Variants in TMPRSS6 observed in about 807,000 individuals in gnomAD.
TMPRSS6 encodes transmembrane protease serine 6.
TMPRSS6 carries 67 observed loss-of-function variants against 101.5 expected under a neutral mutation model. The observed-to-expected ratio is 0.66, with a 90% confidence interval of 0.54 to 0.81. The LOEUF (loss-of-function observed/expected upper bound fraction) is 0.81, where lower values mean the gene tolerates loss of function less well. Ranked by LOEUF, TMPRSS6 falls within the 30% of genes least tolerant of loss-of-function variation. The pLI is 0.00. For synonymous variants in TMPRSS6, 453 were observed against 464.9 expected (o/e 0.97, Z 0.33); for missense variants, 1,034 against 1,088.7 (o/e 0.95, Z 0.71).
intron 10 of TMPRSS6, among the ~76,000 whole-genome samples, chr22:37,078,755 G>A (rs1927910063): frequency 7.1e-6 from 1 of 140,318 alleles, no homozygotes; most frequent in African/African-American, 2.9e-5. Flanking sequence ...AGGAAGAAAG[G>A]AGAAAGAGAA....
At chr22:37,086,459 G>A (rs929259538) in intron 7 of TMPRSS6, 40 bp from the exon 8 acceptor site, 6 of 1,555,424 alleles carry the variant, frequency 3.9e-6, no homozygotes, top group South Asian at 1.2e-5. Flanking sequence ...GCTGGGGTCT[G>A]GGAGGGGAGT....
At chr22:37,098,617 C>A in intron 2 of TMPRSS6, 68 bp from the exon 3 acceptor site, 1 of 1,609,750 alleles carries the variant, frequency 6.2e-7, no homozygotes, top group Non-Finnish European at 8.5e-7. Flanking sequence ...CTCTTCCATG[C>A]CTTCTCCTGC....
chr22:37,066,179 C>G lies in TMPRSS6; in HGVS notation c.2310G>C (p.Gly770=), dbSNP rs778842279. The change falls in exon 18 of 18, where the codon GGG becomes GGC. Residue 770 remains glycine (G), a synonymous_variant. Transcript: ENST00000676104. ...CACAGCCCAGGCCCCAGCTGACCAG[C>G]CCCGCCAGGAACCAGCGGCCACTGA... ...KALSGRWFLA[G]LVSWGLGCGR... is the part of the protein sequence containing the mutation. 4.3e-6 allele frequency: 7 copies of G among 1,613,168 alleles called. No individual in the cohort carries two copies. The South Asian group carries it at 7.7e-5, about 18-fold the overall frequency.
chr22:37,067,594 C>T (rs1304106981), intron 16 of TMPRSS6, among the ~76,000 whole-genome samples: 1 of 152,160 alleles, frequency 6.6e-6, no homozygotes, highest in Non-Finnish European at 1.5e-5. Flanking sequence ...TGCTCTGTTA[C>T]AGCACCTGCA....
intron 12 of TMPRSS6, 28 bp downstream of exon 12, chr22:37,074,582 A>C: frequency 1.2e-6 from 2 of 1,603,378 alleles, no homozygotes; most frequent in Non-Finnish European, 1.7e-6. Flanking sequence ...GGGCAGGGAG[A>C]GGAGGGATGC....
In TMPRSS6 at chr22:37,076,597, C is replaced by T. The variant is rs142788953; in HGVS notation, c.1197-1317G>A. Among the ~76,000 whole-genome samples the T allele has an allele frequency of 4.3e-3, 656 of 152,322 alleles. 7 individuals carry two copies. Among genetic ancestry groups the T allele is most frequent in the African/African-American group, 0.015 (617 of 41,568 alleles). On this transcript the variant is annotated intron_variant, in intron 10 of 17. Coordinates refer to ENST00000676104, the MANE Select transcript of TMPRSS6 (RefSeq NM_001374504.1). ...CTCCTGCAGAGAGTCCGGTGCACCT[C>T]ACCCCACAGAGCAAGTGGGCAGCGG...
chr22:37,103,487 T>C lies in TMPRSS6; in HGVS notation c.-1-69A>G. The C allele has an allele frequency of 1.9e-6, 3 of 1,614,144 alleles. No homozygotes were observed. Among genetic ancestry groups the C allele is most frequent in the Non-Finnish European group, 2.5e-6 (3 of 1,180,028 alleles). On this transcript the variant is annotated intron_variant, in intron 1 of 17. Coordinates refer to ENST00000676104, the MANE Select transcript of TMPRSS6 (RefSeq NM_001374504.1). This position sits in a 1 kb window ranked among gnomAD's most constrained non-coding sequence, Gnocchi z 4.4. Reference sequence around the variant, plus strand: ...CAAGGGAGCCTCTGCTGAGCACCGGTGGGGCACGGAAGCAGGACTTCCCTG... The same window carrying C: ...CAAGGGAGCCTCTGCTGAGCACCGGCGGGGCACGGAAGCAGGACTTCCCTG...
Position 37,087,436 on chromosome 22 carries a change from C to A in TMPRSS6, c.837-1017G>T, listed in dbSNP as rs1032770628. 2.0e-5 allele frequency among the ~76,000 whole-genome samples: 3 copies of A among 152,222 alleles called. No homozygotes were observed. In the East Asian group the frequency reaches 5.8e-4, roughly 29 times the overall value. On this transcript the variant is annotated intron_variant, in intron 7 of 17. Coordinates refer to ENST00000676104, the MANE Select transcript of TMPRSS6 (RefSeq NM_001374504.1). ...ACAGCCTCAAAATCGCTACACATGG[C>A]ACCCAAGCAGCCTGCAGCCAGCTGG...
At position 37,089,596 on chromosome 22, in the gene TMPRSS6, T is replaced by A. The variant is rs1929056900; in HGVS notation, c.818A>T (p.Glu273Val). 1 of 1,547,098 alleles carries A rather than the reference T, an allele frequency of 6.5e-7. No homozygotes were observed. The highest frequency in any genetic ancestry group is 8.8e-7 in the Non-Finnish European group (1 of 1,138,778). The part of the protein sequence containing the change: ...LAMYDVAGPL[E>V]KRLITSVYGC... The stretch of plus-strand genomic sequence containing the variant: ...GACTCACGAGGTGATGAGCCTCTTC[T>A]CCAGGGGCCCGGCCACGTCATACAT... Residue 273 changes from glutamate to valine, a missense_variant, in exon 7 of 18, where the codon GAG becomes GTG. By Grantham distance (121) the Glu-to-Val change is moderately radical. Coordinates refer to ENST00000676104, the MANE Select transcript of TMPRSS6 (RefSeq NM_001374504.1).
intron 13 of TMPRSS6, among the ~76,000 whole-genome samples, 175 bp from the exon 14 acceptor site, chr22:37,071,207 C>T (rs1002690318): frequency 2.6e-5 from 4 of 152,124 alleles, no homozygotes; most frequent in South Asian, 2.1e-4. Flanking sequence ...CCCCGCCCCC[C>T]ACAGCCCCTC....
chr22:37,078,973 A>AAAAGAAAGAAAGAAAGAAAGAAAGAG (rs1928008497), intron 10 of TMPRSS6, among the ~76,000 whole-genome samples: 1 of 106,510 alleles, frequency 9.4e-6, no homozygotes, highest in Non-Finnish European at 1.9e-5. Flanking sequence ...GAAAGAAAGA[A>AAAAGAAAGAAAGAAAGAAAGAAAGAG]AAAGAAAGAA....
Position 37,101,070 on chromosome 22 carries a change from T to G in TMPRSS6, c.202+2146A>C, listed in dbSNP as rs1301372512. On this transcript the variant is annotated intron_variant, in intron 2 of 17. Coordinates refer to ENST00000676104, the MANE Select transcript of TMPRSS6 (RefSeq NM_001374504.1). This position sits in a 1 kb window ranked among gnomAD's most constrained non-coding sequence, Gnocchi z 4.1. ...TTGGAAAGGGCACAGAGAGACTGGGTGTGTGGACTGACAGCTCTTTCAAGG... is the reference window on the plus strand; with the variant it reads ...TTGGAAAGGGCACAGAGAGACTGGGGGTGTGGACTGACAGCTCTTTCAAGG... 6.6e-6 allele frequency among the ~76,000 whole-genome samples: 1 copy of G among 151,526 alleles called. No homozygotes were observed. Among genetic ancestry groups the G allele is most frequent in the Non-Finnish European group, 1.5e-5 (1 of 67,868 alleles).
chr22:37,104,629 C>A (rs368372061), intron 1 of TMPRSS6, among the ~76,000 whole-genome samples: 2 of 152,194 alleles, frequency 1.3e-5, no homozygotes, highest in East Asian at 1.9e-4. Context: ...CGAAGTTCAT[C>A]TCCTCTTACT....
intron 7 of TMPRSS6, among the ~76,000 whole-genome samples, chr22:37,088,290 A>G (rs1442839706): frequency 6.6e-6 from 1 of 152,148 alleles, no homozygotes; most frequent in Non-Finnish European, 1.5e-5. Flanking sequence ...ACAAGGAGAG[A>G]GCAGCTTGGA....
intron 2 of TMPRSS6, among the ~76,000 whole-genome samples, chr22:37,099,908 C>G (rs1930149348): frequency 6.6e-6 from 1 of 152,110 alleles, no homozygotes; most frequent in African/African-American, 2.4e-5. Context: ...AGGACTCGGG[C>G]TTTCACCCTG....
At chr22:37,082,693 C>T (rs1176882229) in intron 10 of TMPRSS6, 6 of 327,268 alleles carry the variant, frequency 1.8e-5, no homozygotes, top group South Asian at 7.4e-5. Flanking sequence ...CAGCATGTCA[C>T]CCCAGCAGCA....
intron 10 of TMPRSS6, among the ~76,000 whole-genome samples, chr22:37,077,991 C>A (rs1927823716): frequency 6.6e-6 from 1 of 152,226 alleles, no homozygotes; most frequent in African/African-American, 2.4e-5. Context: ...CGCCCCTGAG[C>A]AAGCCTGGCC....
chr22:37,097,364 C>A (rs1929857084), intron 3 of TMPRSS6, among the ~76,000 whole-genome samples: 1 of 152,168 alleles, frequency 6.6e-6, no homozygotes, highest in South Asian at 2.1e-4. Context: ...AGTGGGCAAC[C>A]AACACAGGGC....
chr22:37,085,954 T>G (rs1928712800), intron 8 of TMPRSS6, among the ~76,000 whole-genome samples: 4 of 144,594 alleles, frequency 2.8e-5, no homozygotes, highest in African/African-American at 5.2e-5. Context: ...TCCAGGCGAG[T>G]GAGGAGGGAG....
Sources: allele counts gnomAD v4.1 joint callset (sites outside exome capture counted in the v4.1 genomes callset), GRCh38; gene constraint gnomAD v4.1.1; non-coding constraint Gnocchi (gnomAD v3.1); transcripts MANE v1.5; gene names NCBI Gene and HGNC (gene_info 2026-07-23, HGNC 2026-07-21).